The following IGF2R variants were observed in gnomAD, a reference collection of about 807,000 sequenced individuals.
IGF2R encodes cation-independent mannose-6-phosphate receptor.
In IGF2R, 91 loss-of-function variants were observed where a neutral mutation model predicts 270.6. The ratio of observed to expected loss-of-function variants is 0.34; its 90% confidence interval spans 0.28 to 0.40. The LOEUF is 0.40. Ranked by LOEUF, IGF2R falls within the 10% of genes least tolerant of loss-of-function variation. The pLI, the probability that IGF2R is intolerant of heterozygous loss-of-function variation, is 1.00. For synonymous variants in IGF2R, 1,316 were observed against 1,258.9 expected, an observed-to-expected ratio of 1.05 and a Z score of -0.96; for missense variants, 2,805 against 3,188.3, an observed-to-expected ratio of 0.88 and a Z score of 2.90.
Position 160,079,782 on chromosome 6 carries a change from C to T in IGF2R, c.5681C>T (p.Pro1894Leu). 1.4e-6 allele frequency: 2 copies of T among 1,446,558 alleles called. No homozygotes were observed. The highest frequency in any genetic ancestry group is 1.4e-5 in the African/African-American group (1 of 69,868). 89.6% of individuals were successfully genotyped at this position (1,446,558 alleles called of 1,614,324 possible). ...AGTTACGTGAATGGTGATCGTTGCC[C>T]TCCAGGTAAATATTTGCAATGAGGT... The part of the protein sequence containing the change: ...VLSYVNGDRC[P>L]PETDDGVPCV... Residue 1894 changes from proline (P) to leucine (L), a missense_variant, in exon 38 of 48, where the codon CCT becomes CTT. Pro to Leu is a moderately conservative substitution (Grantham distance 98). This residue lies in a region of IGF2R where 1,851 missense variants were observed against 2,207.2 expected (regional missense o/e 0.84). Transcript: ENST00000356956.
Position 160,047,283 on chromosome 6 carries a change from C to G in IGF2R, c.2176C>G (p.Leu726Val). Residue 726 changes from leucine (L) to valine (V), a missense_variant, in exon 16 of 48, where the codon CTC becomes GTC. Physicochemically the swap from Leu to Val is conservative, Grantham distance 32. Around this residue, in one of 2 missense-constraint regions of IGF2R, gnomAD observed 954 missense variants for 981.1 expected, o/e 0.97. Transcript: ENST00000356956. Reference protein sequence around the residue: ...NNERHTPRATLITFLCDRDAG... With the variant: ...NNERHTPRATVITFLCDRDAG... ...TGAAAGACACACACCGAGAGCTACG[C>G]TCATCACCTTTCTCTGTGATCGAGA... 1 of 1,612,274 alleles carries G rather than the reference C, an allele frequency of 6.2e-7. No homozygotes were observed. Among genetic ancestry groups the G allele is most frequent in the Non-Finnish European group, 8.5e-7 (1 of 1,179,588 alleles).
intron 35 of IGF2R, 133 bp from the exon 36 acceptor site, chr6:160,075,714 A>T: frequency 8.5e-6 from 7 of 823,386 alleles, no homozygotes; most frequent in Non-Finnish European, 1.3e-5. Context: ...GTATAAACCC[A>T]GTTTCTTTAG....
intron 6 of IGF2R, among the ~76,000 whole-genome samples, chr6:160,028,443 A>T (rs946846828): frequency 6.6e-6 from 1 of 152,230 alleles, no homozygotes; most frequent in African/African-American, 2.4e-5. Context: ...TTCAGTCCAT[A>T]ACAGAGTCTT....
chr6:160,022,686 G>A (rs1777465785), intron 4 of IGF2R, among the ~76,000 whole-genome samples: 1 of 152,140 alleles, frequency 6.6e-6, no homozygotes, highest in Admixed American at 6.5e-5. Flanking sequence ...ATAGTGGGGG[G>A]AAAATGACAA....
intron 1 of IGF2R, among the ~76,000 whole-genome samples, chr6:159,973,904 C>T (rs1783649778): frequency 6.6e-6 from 1 of 152,192 alleles, no homozygotes; most frequent in African/African-American, 2.4e-5. Context: ...AGAACTGAGC[C>T]TAGTGGCAGA....
At chr6:159,987,777 G>A (rs1379092910) in intron 1 of IGF2R, among the ~76,000 whole-genome samples, 1 of 152,218 alleles carries the variant, frequency 6.6e-6, no homozygotes, top group Non-Finnish European at 1.5e-5. Context: ...TTGGAGTGAA[G>A]TTTAGAAACC....
At chr6:160,069,080 C>T (rs751271541) in intron 30 of IGF2R, among the ~76,000 whole-genome samples, 10 of 149,516 alleles carry the variant, frequency 6.7e-5, no homozygotes, top group African/African-American at 2.2e-4. Context: ...TGTGTGCCTG[C>T]GTATGTTGAG....
Position 160,110,966 on chromosome 6 carries a change from T to C in IGF2R, c.*5882T>C, listed in dbSNP as rs1426247121. 6.6e-6 allele frequency: 1 copy of C among 152,250 alleles called. No homozygotes were observed. The highest frequency in any genetic ancestry group is 1.5e-5 in the Non-Finnish European group (1 of 68,052). 9.4% of individuals were successfully genotyped at this position (152,250 alleles called of 1,614,324 possible). On this transcript the variant is annotated 3_prime_UTR_variant, in exon 48 of 48. Transcript: ENST00000356956. ...GTGAAAGGGTGCAGAGGTTCAGCTA[T>C]GCAACATGAATGAATTCTGGAGATC...
At chr6:160,034,331 A>T in intron 9 of IGF2R, 88 bp from the exon 10 acceptor site, 1 of 805,512 alleles carries the variant, frequency 1.2e-6, no homozygotes, top group South Asian at 1.5e-5. Flanking sequence ...GATGCTACGC[A>T]AAAGGCTTAA....
At chr6:160,078,545 G>C (rs1219825573) in intron 37 of IGF2R, among the ~76,000 whole-genome samples, 183 bp downstream of exon 37, 1 of 152,200 alleles carries the variant, frequency 6.6e-6, no homozygotes, top group African/African-American at 2.4e-5. Flanking sequence ...GGATTGCGTG[G>C]CCAACTCAGC....
At chr6:160,032,466 T>C (rs1777718076) in intron 7 of IGF2R, 85 bp from the exon 8 acceptor site, 1 of 1,285,672 alleles carries the variant, frequency 7.8e-7, no homozygotes, top group South Asian at 1.4e-5. Flanking sequence ...ACAACCTGTC[T>C]TTGAGCTTTT....
At chr6:160,068,503 C>T in intron 30 of IGF2R, 118 bp downstream of exon 30, 1 of 1,504,160 alleles carries the variant, frequency 6.6e-7, no homozygotes, top group Non-Finnish European at 9.0e-7. Flanking sequence ...CAGGCTGGCA[C>T]TGGTGAGAGA....
intron 1 of IGF2R, among the ~76,000 whole-genome samples, chr6:159,985,638 A>G (rs1402353872): frequency 6.6e-6 from 1 of 152,090 alleles, no homozygotes. Context: ...CATTGGGGAT[A>G]ACAGACACTT....
chr6:159,981,733 C>T (rs1195982264), intron 1 of IGF2R, among the ~76,000 whole-genome samples: 2 of 152,180 alleles, frequency 1.3e-5, no homozygotes, highest in Non-Finnish European at 1.5e-5. Context: ...CTTCATGGCA[C>T]CTTTCTTAGG....
chr6:160,085,622 G>C (rs1437777562), intron 41 of IGF2R, among the ~76,000 whole-genome samples: 1 of 152,204 alleles, frequency 6.6e-6, no homozygotes. Flanking sequence ...ATTATTTAAA[G>C]GAGGAAAATA....
At chr6:160,009,164 CT>C in intron 3 of IGF2R, 30 bp downstream of exon 3, 14 of 1,566,368 alleles carry the variant, frequency 8.9e-6, no homozygotes, top group Admixed American at 3.8e-5. Flanking sequence ...TGATGTATTT[CT>C]TTAAAAAAAA....
intron 1 of IGF2R, among the ~76,000 whole-genome samples, chr6:159,986,626 A>G (rs1169312660): frequency 2.0e-5 from 3 of 152,246 alleles, no homozygotes; most frequent in East Asian, 3.9e-4. Context: ...GTTTGAGTGA[A>G]GACGGTGTTT....
intron 5 of IGF2R, among the ~76,000 whole-genome samples, chr6:160,024,938 C>A (rs554322547): frequency 1.5e-4 from 23 of 152,140 alleles, no homozygotes; most frequent in Admixed American, 2.6e-4. Flanking sequence ...TTGATCCATT[C>A]CATGTGGGTG....
chr6:160,029,782 T>G, intron 7 of IGF2R, 127 bp downstream of exon 7: 1 of 648,984 alleles, frequency 1.5e-6, no homozygotes, highest in South Asian at 1.8e-5. Context: ...ACAGAGGCAC[T>G]GGTGGGTTCT....
Sources: gnomAD v4.1 joint callset for allele counts (sites outside exome capture counted in the v4.1 genomes callset) on GRCh38, gnomAD v4.1.1 for gene constraint, gnomAD v4.1.1 regional missense constraint, MANE v1.5 for transcripts, NCBI Gene and HGNC (gene_info 2026-07-23, HGNC 2026-07-21) for gene names.